Variants in NCAM2 observed in about 807,000 individuals in gnomAD.
NCAM2 encodes the protein neural cell adhesion molecule 2.
NCAM2 carries 30 observed loss-of-function variants against 98.1 expected under a neutral mutation model. The observed-to-expected ratio is 0.31, with a 90% CI of 0.23 to 0.41. NCAM2 has a LOEUF of 0.41. Among genes scored for constraint, NCAM2 ranks in the 10% least tolerant of loss-of-function variants. NCAM2 has a pLI of 1.00. For missense variants in NCAM2, 867 were observed against 1,005.8 expected, an observed-to-expected ratio of 0.86 and a Z score of 1.87; for synonymous variants, 368 against 342.4, an observed-to-expected ratio of 1.07 and a Z score of -0.83.
In NCAM2 at chr21:21,284,310, G is replaced by A; in HGVS notation, c.247G>A (p.Ala83Thr). The A allele has an allele frequency of 2.5e-6, 4 of 1,611,848 alleles. No individual in the cohort carries two copies. The highest frequency in any genetic ancestry group is 3.4e-6 in the Non-Finnish European group (4 of 1,178,270). ...TAGGTCACGGTTAACCATCTACAAT[G>A]CAAATATAGAAGATGCAGGGATATA... ...GVRSRLTIYN[A>T]NIEDAGIYRC... Residue 83 changes from alanine to threonine, a missense_variant, in exon 3 of 18, where the codon GCA (alanine) becomes ACA (threonine). Around this residue, in one of 5 missense-constraint regions of NCAM2, gnomAD observed 447 missense variants for 495.7 expected, o/e 0.90. Coordinates refer to ENST00000400546, the MANE Select transcript of NCAM2 (RefSeq NM_004540.5).
intron 1 of NCAM2, among the ~76,000 whole-genome samples, chr21:21,153,036 C>T (rs531210713): frequency 6.6e-6 from 1 of 152,012 alleles, no homozygotes; most frequent in East Asian, 1.9e-4. Flanking sequence ...CCCCTTCTCT[C>T]AGGGATTAAT....
At chr21:21,153,906 A>G (rs535809208) in intron 1 of NCAM2, among the ~76,000 whole-genome samples, 39 of 151,982 alleles carry the variant, frequency 2.6e-4, no homozygotes, top group African/African-American at 7.7e-4. Flanking sequence ...ACAGCCAAAT[A>G]AAGTGTGGGA....
intron 1 of NCAM2, among the ~76,000 whole-genome samples, chr21:21,080,599 A>AGT (rs2065772774): frequency 1.4e-5 from 2 of 145,632 alleles, no homozygotes; most frequent in African/African-American, 5.1e-5. Context: ...CTGGGCAACA[A>AGT]GAGCAAAACT....
chr21:21,328,444 T>C (rs996673094), intron 6 of NCAM2, among the ~76,000 whole-genome samples: 2 of 152,116 alleles, frequency 1.3e-5, no homozygotes, highest in Non-Finnish European at 2.9e-5. Context: ...AGGATTGTTA[T>C]CCTAGGAGAT....
chr21:21,163,417 G>A (rs1214041199), intron 1 of NCAM2, among the ~76,000 whole-genome samples: 1 of 152,078 alleles, frequency 6.6e-6, no homozygotes, highest in Non-Finnish European at 1.5e-5. Context: ...TCTCTGCTTT[G>A]CTAAATATGT....
intron 1 of NCAM2, among the ~76,000 whole-genome samples, chr21:21,268,590 A>G (rs1193984293): frequency 2.6e-5 from 4 of 152,114 alleles, no homozygotes; most frequent in East Asian, 1.9e-4. Context: ...CTTTCTTTCA[A>G]TATGTGGAAA....
At chr21:21,152,251 T>C (rs546036953) in intron 1 of NCAM2, among the ~76,000 whole-genome samples, 5 of 152,162 alleles carry the variant, frequency 3.3e-5, no homozygotes, top group South Asian at 4.1e-4. Context: ...TTTGTACTTA[T>C]AGCTTTAAAG....
intron 10 of NCAM2, among the ~76,000 whole-genome samples, chr21:21,412,048 G>T (rs929275910): frequency 6.6e-6 from 1 of 152,204 alleles, no homozygotes; most frequent in African/African-American, 2.4e-5. Context: ...TTTGTGTAGT[G>T]TGTAGTCTCC....
chr21:21,088,852 G>T (rs1004638163), intron 1 of NCAM2, among the ~76,000 whole-genome samples: 22 of 151,998 alleles, frequency 1.4e-4, no homozygotes, highest in Non-Finnish European at 5.9e-5. Flanking sequence ...GGCGCCTGTA[G>T]TCCCAGCTAC....
At chr21:21,256,103 C>G (rs965264668) in intron 1 of NCAM2, among the ~76,000 whole-genome samples, 11 of 152,114 alleles carry the variant, frequency 7.2e-5, no homozygotes, top group African/African-American at 2.7e-4. Context: ...GCCTGTAATC[C>G]TAGCACTTTG....
chr21:21,131,959 C>G (rs970652424), intron 1 of NCAM2, among the ~76,000 whole-genome samples: 4 of 152,140 alleles, frequency 2.6e-5, no homozygotes, highest in Non-Finnish European at 4.4e-5. Flanking sequence ...AAAAACCACA[C>G]AAATATATTA....
chr21:21,466,719 C>T lies in NCAM2; in HGVS notation c.1768C>T (p.Pro590Ser), dbSNP rs1474934547. 1 of 1,602,538 alleles carries T rather than the reference C, an allele frequency of 6.2e-7. No homozygotes were observed. Residue 590 changes from proline to serine, a missense_variant, in exon 13 of 18, where the codon CCA (proline) becomes TCA (serine). Physicochemically the swap from Pro to Ser is moderately conservative, Grantham distance 74. Transcript: ENST00000400546. ...TAAAATAGAAATCTTCCAAACATTACCAGTTCGTAAGTAATCATCTCTATT... is the reference window on the plus strand; with the variant it reads ...TAAAATAGAAATCTTCCAAACATTATCAGTTCGTAAGTAATCATCTCTATT... ...YSKIEIFQTL[P>S]VREPSPPSIH...
chr21:21,409,041 TA>T (rs1437872950), intron 9 of NCAM2, among the ~76,000 whole-genome samples: 13 of 148,154 alleles, frequency 8.8e-5, no homozygotes, highest in Admixed American at 8.1e-4. Context: ...TTTGATGTGA[TA>T]TTAAGTTCTA....
intron 16 of NCAM2, among the ~76,000 whole-genome samples, chr21:21,524,007 TAA>T (rs202035724): frequency 6.8e-6 from 1 of 146,324 alleles, no homozygotes; most frequent in African/African-American, 2.5e-5. Context: ...TCAGAGTAAA[TAA>T]AAAAAAACGA....
intron 1 of NCAM2, among the ~76,000 whole-genome samples, chr21:21,217,308 C>T (rs564611620): frequency 3.4e-4 from 51 of 152,154 alleles, no homozygotes; most frequent in Middle Eastern, 3.4e-3. Context: ...GCACAAACCC[C>T]AGAGCACGAA....
intron 1 of NCAM2, among the ~76,000 whole-genome samples, chr21:21,050,310 A>G (rs1428528687): frequency 6.6e-6 from 1 of 152,222 alleles, no homozygotes; most frequent in East Asian, 1.9e-4. Context: ...CAAGTATGCC[A>G]AAACCTGATT....
chr21:21,236,232 G>A lies in NCAM2; in HGVS notation c.56-44346G>A, dbSNP rs187828091. On this transcript the variant is annotated intron_variant, in intron 1 of 17. Coordinates refer to ENST00000400546, the MANE Select transcript of NCAM2 (RefSeq NM_004540.5). ...GATGTTATCTCTGTCTTTTGACATT[G>A]ATCATAATCATAAATATAATAGAGT... is the stretch of plus-strand genomic sequence containing the variant. 3.6e-4 allele frequency among the ~76,000 whole-genome samples: 55 copies of A among 152,098 alleles called. No homozygotes were observed. The East Asian group carries it at 0.011, about 29-fold the overall frequency.
At chr21:21,429,591 A>G (rs1047506867) in intron 11 of NCAM2, among the ~76,000 whole-genome samples, 3 of 152,234 alleles carry the variant, frequency 2.0e-5, no homozygotes, top group African/African-American at 4.8e-5. Context: ...GATCAAACTT[A>G]TAAGTAAATT....
chr21:21,087,894 G>C (rs991409064), intron 1 of NCAM2, among the ~76,000 whole-genome samples: 1 of 152,102 alleles, frequency 6.6e-6, no homozygotes, highest in Non-Finnish European at 1.5e-5. Flanking sequence ...ATCACACAGG[G>C]AATCGATATA....
Sources: allele counts gnomAD v4.1 joint callset (sites outside exome capture counted in the v4.1 genomes callset), GRCh38; gene constraint gnomAD v4.1.1; regional missense constraint gnomAD v4.1.1; transcripts MANE v1.5; gene names NCBI Gene and HGNC (gene_info 2026-07-23, HGNC 2026-07-21).